Variants in THBS3 observed in about 807,000 individuals in gnomAD.
THBS3 encodes thrombospondin-3.
In THBS3, 78 loss-of-function variants were observed where a neutral mutation model predicts 118.3. The observed-to-expected ratio is 0.66, with a 90% CI of 0.55 to 0.80. The LOEUF (loss-of-function observed/expected upper bound fraction) is 0.80. Among genes scored for constraint, THBS3 ranks in the 30% least tolerant of loss-of-function variants. The pLI is 0.00. For missense variants in THBS3, 1,057 were observed against 1,247.4 expected (o/e 0.85, Z 2.30); for synonymous variants, 427 against 475.3 (o/e 0.90, Z 1.32).
Position 155,198,160 on chromosome 1 carries a change from A to G in THBS3, c.2135T>C (p.Leu712Pro). 6.2e-7 allele frequency: 1 copy of G among 1,614,180 alleles called. No individual in the cohort carries two copies. The highest frequency in any genetic ancestry group is 8.5e-7 in the Non-Finnish European group (1 of 1,180,046). Residue 712 changes from leucine to proline, a missense_variant, in exon 18 of 23, where the codon CTG becomes CCG. Around this residue, in one of 3 missense-constraint regions of THBS3, gnomAD observed 307 missense variants for 326.1 expected, o/e 0.94. Transcript: ENST00000368378. ...CTCTGCACTTTCAGGACACACATCCAGGGGGTCGACCACAGCATCATTGTC... is the reference window on the plus strand; with the variant it reads ...CTCTGCACTTTCAGGACACACATCCGGGGGGTCGACCACAGCATCATTGTC... ...DFDNDAVVDP[L>P]DVCPESAEVT...
intron 21 of THBS3, 170 bp downstream of exon 21, chr1:155,196,871 G>C: frequency 1.6e-6 from 1 of 640,156 alleles, no homozygotes; most frequent in South Asian, 2.0e-5. Context: ...GGGTCATGGA[G>C]GAGTGACTTC....
Position 155,198,540 on chromosome 1 carries a change from A to G in THBS3, c.1943T>C (p.Leu648Pro). ...TCCAAGTCCATCGTTATCAGAGTCC[A>G]GCTGGGAGCTATTTGGCAGCTGTGG... ...NCPQLPNSSQ[L>P]DSDNDGLGDE... Residue 648 changes from leucine (L) to proline (P), a missense_variant, in exon 17 of 23, where the codon CTG becomes CCG. Leu to Pro is a moderately conservative substitution (Grantham distance 98, BLOSUM62 -3). This residue lies in a region of THBS3 where 544 missense variants were observed against 715.6 expected (regional missense o/e 0.76). Coordinates refer to ENST00000368378, the MANE Select transcript of THBS3 (RefSeq NM_007112.5). The G allele has an allele frequency of 1.2e-6, 2 of 1,614,244 alleles. No homozygotes were observed. Among genetic ancestry groups the G allele is most frequent in the Non-Finnish European group, 1.7e-6 (2 of 1,180,038 alleles).
In THBS3 at chr1:155,201,403, G is replaced by A; in HGVS notation, c.1329+14C>T. The A allele has an allele frequency of 6.3e-7, 1 of 1,589,748 alleles. No homozygotes were observed. Among genetic ancestry groups the A allele is most frequent in the Non-Finnish European group, 8.6e-7 (1 of 1,167,294 alleles). ...GACCCTCCCTTTTCCTTCCACGCCT[G>A]AAGCCTAGCTCACCTGGCAGGACAC... On this transcript the variant is annotated intron_variant, in intron 11 of 22. Coordinates refer to ENST00000368378, the MANE Select transcript of THBS3 (RefSeq NM_007112.5).
At chr1:155,208,917 G>T (rs544260151), upstream of THBS3, 21 of 1,611,170 alleles carry the variant, frequency 1.3e-5, no homozygotes, top group East Asian at 3.6e-4. Context: ...TGGCCCAGGC[G>T]CACAAGACCC....
upstream of THBS3, among the ~76,000 whole-genome samples, chr1:155,208,434 C>T (rs527437322): frequency 3.3e-5 from 5 of 152,314 alleles, no homozygotes; most frequent in East Asian, 7.7e-4. Context: ...CGTAGGAAAG[C>T]TTGGGAGTCT....
intron 16 of THBS3, 26 bp downstream of exon 16, chr1:155,199,778 C>T (rs1262055754): frequency 6.2e-7 from 1 of 1,613,680 alleles, no homozygotes; most frequent in Non-Finnish European, 8.5e-7. Flanking sequence ...AAAGAAAGAC[C>T]TTGCGTCTCT....
At chr1:155,208,726 C>A, upstream of THBS3, 1 of 1,389,038 alleles carries the variant, frequency 7.2e-7, no homozygotes, top group Non-Finnish European at 9.4e-7. Context: ...CCGCTCCGGC[C>A]GCCGCCACCG....
Position 155,198,584 on chromosome 1 carries a change from CT to C in THBS3, c.1898del (p.Gln633ArgfsTer89). On this transcript the variant is annotated frameshift_variant, in exon 17 of 23. Coordinates refer to ENST00000368378, the MANE Select transcript of THBS3 (RefSeq NM_007112.5). LOFTEE classifies it high-confidence loss of function. The part of the protein sequence containing the change: ...TNEDSDGDGH[Q>X]DTKDNCPQLP... ...GCTGTGGGCAGTTGTCCTTGGTGTC[CT>C]GATGCCCATCCCCATCGCTAATCAG... 2 of 1,614,144 alleles carry C rather than the reference CT, an allele frequency of 1.2e-6. No individual in the cohort carries two copies. Among genetic ancestry groups the C allele is most frequent in the Non-Finnish European group, 1.7e-6 (2 of 1,179,996 alleles).
Position 155,202,269 on chromosome 1 carries a change from T to A in THBS3, c.1090A>T (p.Ser364Cys). The A allele has an allele frequency of 6.2e-7, 1 of 1,613,934 alleles. No individual in the cohort carries two copies. The highest frequency in any genetic ancestry group is 8.5e-7 in the Non-Finnish European group (1 of 1,179,924). Residue 364 changes from serine (S) to cysteine (C), a missense_variant, in exon 9 of 23, where the codon AGC (serine) becomes TGC (cysteine). Physicochemically the swap from Ser to Cys is moderately radical, Grantham distance 112. Coordinates refer to ENST00000368378, the MANE Select transcript of THBS3 (RefSeq NM_007112.5). This position sits in a 1 kb window ranked among gnomAD's most constrained non-coding sequence, Gnocchi z 5.5. ...ACACTACCCAGTCTGACCTGTTTGC[T>A]GGCCCGGGCATAGTCAATGCCCACA... The part of the protein sequence containing the change: ...SGVGIDYARA[S>C]KQVCNDIDEC...
chr1:155,205,216 G>C lies in THBS3; in HGVS notation c.387C>G (p.Leu129=), dbSNP rs1670375736. The change falls in exon 3 of 23, where the codon CTC becomes CTG. Residue 129 remains leucine (L), a synonymous_variant. Transcript: ENST00000368378. Reference sequence around the variant, plus strand: ...CAGGGCTGGGTCTGGAGGGACCTCGGAGTCGCAGGAGAACTGTGTGTGTGC... The same window carrying C: ...CAGGGCTGGGTCTGGAGGGACCTCGCAGTCGCAGGAGAACTGTGTGTGTGC... The part of the protein sequence containing the change: ...DGRTHTVLLR[L]RGPSRPSPAL... The C allele has an allele frequency of 6.2e-7, 1 of 1,614,064 alleles. No individual in the cohort carries two copies. Among genetic ancestry groups the C allele is most frequent in the South Asian group, 1.1e-5 (1 of 91,094 alleles).
At chr1:155,205,670 C>G (rs1229919668) in intron 2 of THBS3, among the ~76,000 whole-genome samples, 5 of 152,080 alleles carry the variant, frequency 3.3e-5, no homozygotes, top group Non-Finnish European at 7.4e-5. Flanking sequence ...CCCAGCTACT[C>G]AGGAGGCTGA....
At chr1:155,203,688 G>T in intron 4 of THBS3, 149 bp from the exon 5 acceptor site, 1 of 1,002,466 alleles carries the variant, frequency 1.0e-6, no homozygotes, top group Non-Finnish European at 1.5e-6. Flanking sequence ...GGCAGAGCTG[G>T]CAGACAAGCA....
chr1:155,202,275 G>T lies in THBS3; in HGVS notation c.1084C>A (p.Arg362=), dbSNP rs35484178. The T allele has an allele frequency of 1.2e-6, 2 of 1,613,938 alleles. No individual in the cohort carries two copies. The highest frequency in any genetic ancestry group is 1.7e-6 in the Non-Finnish European group (2 of 1,179,950). ...QVSGVGIDYA[R]ASKQVCNDID... is the part of the protein sequence containing the mutation. ...CCCAGTCTGACCTGTTTGCTGGCCC[G>T]GGCATAGTCAATGCCCACACCAGAC... Residue 362 remains arginine (R), a synonymous_variant, in exon 9 of 23, where the codon CGG becomes AGG. Transcript: ENST00000368378. The surrounding 1 kb of genome is among the most constrained non-coding windows in gnomAD (Gnocchi z 5.5).
intron 5 of THBS3, 21 bp from the exon 6 acceptor site, chr1:155,203,326 A>T: frequency 6.2e-7 from 1 of 1,613,122 alleles, no homozygotes; most frequent in South Asian, 1.1e-5. Flanking sequence ...CCAGGGTGTG[A>T]GGGGTTCAGT....
In THBS3 at chr1:155,197,243, A is replaced by G; in HGVS notation, c.2500-30T>C. 1 of 1,606,038 alleles carries G rather than the reference A, an allele frequency of 6.2e-7. No individual in the cohort carries two copies. Among genetic ancestry groups the G allele is most frequent in the South Asian group, 1.1e-5 (1 of 90,880 alleles). ...GAGACATTGGCAAAGACAGTGGGTC[A>G]ACTGCAGAACTGGAGTGAGGGGAGA... On this transcript the variant is annotated intron_variant, in intron 20 of 22. Transcript: ENST00000368378. This position sits in a 1 kb window ranked among gnomAD's most constrained non-coding sequence, Gnocchi z 5.0.
chr1:155,197,943 T>C lies in THBS3; in HGVS notation c.2254-15A>G. The C allele has an allele frequency of 1.9e-6, 3 of 1,614,076 alleles. No homozygotes were observed. The highest frequency in any genetic ancestry group is 2.5e-6 in the Non-Finnish European group (3 of 1,180,010). On this transcript the variant is annotated splice_polypyrimidine_tract_variant and intron_variant, in intron 18 of 22. Transcript: ENST00000368378. This position sits in a 1 kb window ranked among gnomAD's most constrained non-coding sequence, Gnocchi z 5.0. ...ATTTCCATGCCCTGGGGTTGTATAG[T>C]AAAGAAAAAGCTGTGATGCAGGTGT...
intron 1 of THBS3, 31 bp downstream of exon 1, chr1:155,207,767 G>C: frequency 6.2e-7 from 1 of 1,610,048 alleles, no homozygotes; most frequent in South Asian, 1.1e-5. Context: ...AAGAAGCAGA[G>C]AGCGGTCTAA....
chr1:155,204,876 C>T lies in THBS3; in HGVS notation c.625G>A (p.Asp209Asn). 1 of 1,613,940 alleles carries T rather than the reference C, an allele frequency of 6.2e-7. No individual in the cohort carries two copies. The highest frequency in any genetic ancestry group is 2.2e-5 in the East Asian group (1 of 44,878). ...GALSECPFQG[D>N]ESIHSAVTNA... ...TTACCTGCACTGTGGATGGACTCGT[C>T]CCCTTGGAATGGACACTCACTCAGG... Residue 209 changes from aspartate to asparagine, a missense_variant, in exon 4 of 23, where the codon GAC becomes AAC. Asp to Asn is a conservative substitution (Grantham distance 23). Coordinates refer to ENST00000368378, the MANE Select transcript of THBS3 (RefSeq NM_007112.5).
In THBS3 at chr1:155,197,605, A is replaced by G. The variant is rs911916969; in HGVS notation, c.2357T>C (p.Val786Ala). The change falls in exon 20 of 23, where the codon GTG becomes GCG. Residue 786 changes from valine to alanine, a missense_variant. Around this residue, in one of 3 missense-constraint regions of THBS3, gnomAD observed 307 missense variants for 326.1 expected, o/e 0.94. Coordinates refer to ENST00000368378, the MANE Select transcript of THBS3 (RefSeq NM_007112.5). The surrounding 1 kb of genome is among the most constrained non-coding windows in gnomAD (Gnocchi z 5.0). ...DFEGTFHVNT[V>A]TDDDYAGFLF... ...AAAGCCTGCGTAGTCATCATCAGTC[A>G]CTGTGTTCACATGGAAGGTGCCTTC... 1.4e-6 allele frequency: 2 copies of G among 1,467,940 alleles called. No homozygotes were observed. The highest frequency in any genetic ancestry group is 1.8e-6 in the Non-Finnish European group (2 of 1,090,054). 90.9% of individuals were successfully genotyped at this position (1,467,940 alleles called of 1,614,324 possible). A position where few individuals can be genotyped will look rare whatever the true frequency, so the allele number is the denominator to read the frequency against.
Sources: allele counts gnomAD v4.1 joint callset (sites outside exome capture counted in the v4.1 genomes callset), GRCh38; gene constraint gnomAD v4.1.1; regional missense constraint gnomAD v4.1.1; non-coding constraint Gnocchi (gnomAD v3.1); transcripts MANE v1.5; gene names NCBI Gene and HGNC (gene_info 2026-07-23, HGNC 2026-07-21).